PDGFC: variants seen among roughly 807,000 people sequenced by gnomAD.
The protein encoded by PDGFC is platelet-derived growth factor C.
PDGFC carries 12 observed loss-of-function variants against 35.5 expected under a neutral mutation model. The observed-to-expected ratio is 0.34, with a 90% CI of 0.22 to 0.55. The LOEUF is 0.55. Among genes scored for constraint, PDGFC ranks in the 20% least tolerant of loss-of-function variants. The pLI, the probability that PDGFC is intolerant of heterozygous loss-of-function variation, is 0.91. For missense variants in PDGFC, 322 were observed against 412.4 expected (o/e 0.78, Z 1.90); for synonymous variants, 159 against 148.8 (o/e 1.07, Z -0.50).
At chr4:156,930,801 G>A (rs536135004) in intron 1 of PDGFC, among the ~76,000 whole-genome samples, 28 of 152,232 alleles carry the variant, frequency 1.8e-4, no homozygotes, top group African/African-American at 3.1e-4. Context: ...CAGGAAGGCC[G>A]GAGGTTGCAG....
At chr4:156,878,466 T>G (rs888783312) in intron 1 of PDGFC, among the ~76,000 whole-genome samples, 1 of 152,182 alleles carries the variant, frequency 6.6e-6, no homozygotes, top group Non-Finnish European at 1.5e-5. Context: ...ATAACATAAT[T>G]CCTTTGTTCA....
rs1220624735 is a variant in PDGFC at position 156,874,117 on chromosome 4, A to T, written c.119-23701T>A. The T allele has an allele frequency of 2.6e-5, 4 of 152,170 alleles. No individual in the cohort carries two copies. In the East Asian group the frequency reaches 5.8e-4, roughly 22 times the overall value. The allele number at this position is 152,170 out of a possible 1,614,324, so 9.4% of individuals were successfully genotyped here. A position where few individuals can be genotyped will look rare whatever the true frequency, so the allele number is the denominator to read the frequency against. ...GCAGTGTGGCATGGTCAAATACTAG[A>T]CATAAAGTATTTTCTAGAAAATAAA... On this transcript the variant is annotated intron_variant, in intron 1 of 5. Transcript: ENST00000502773.
chr4:156,793,540 T>TAC (rs1422230217), intron 3 of PDGFC, among the ~76,000 whole-genome samples: 12 of 129,640 alleles, frequency 9.3e-5, no homozygotes, highest in African/African-American at 4.5e-4. Flanking sequence ...TGTGCATATA[T>TAC]ATATATATAT....
chr4:156,830,281 T>C (rs1294781070), intron 2 of PDGFC, among the ~76,000 whole-genome samples: 1 of 151,542 alleles, frequency 6.6e-6, no homozygotes, highest in Non-Finnish European at 1.5e-5. Flanking sequence ...TCCTCAGACC[T>C]TGTCAACTGT....
chr4:156,768,184 A>G (rs1730592237), intron 4 of PDGFC, among the ~76,000 whole-genome samples, 194 bp from the exon 5 acceptor site: 1 of 152,068 alleles, frequency 6.6e-6, no homozygotes, highest in Non-Finnish European at 1.5e-5. Context: ...TAGCAAACAA[A>G]GCTTCATTAT....
At chr4:156,789,742 C>T (rs1045774939) in intron 3 of PDGFC, among the ~76,000 whole-genome samples, 1 of 151,996 alleles carries the variant, frequency 6.6e-6, no homozygotes, top group Non-Finnish European at 1.5e-5. Context: ...TTCGGGAGGC[C>T]GAGGCAGGCG....
At chr4:156,872,170 T>C (rs1412548029) in intron 1 of PDGFC, among the ~76,000 whole-genome samples, 1 of 152,170 alleles carries the variant, frequency 6.6e-6, no homozygotes, top group African/African-American at 2.4e-5. Flanking sequence ...ACAGCTGTTG[T>C]CATTTAGTGT....
chr4:156,885,915 C>T (rs1730365726), intron 1 of PDGFC, among the ~76,000 whole-genome samples: 1 of 152,060 alleles, frequency 6.6e-6, no homozygotes, highest in East Asian at 1.9e-4. Flanking sequence ...AAAATTCAGG[C>T]CTCTATCCTC....
chr4:156,831,531 C>G (rs1166213868), intron 2 of PDGFC, among the ~76,000 whole-genome samples: 1 of 149,378 alleles, frequency 6.7e-6, no homozygotes, highest in Admixed American at 6.7e-5. Context: ...GCAACCTCCA[C>G]CTCCCGAGTT....
chr4:156,860,649 A>C (rs190693285), intron 1 of PDGFC, among the ~76,000 whole-genome samples: 73 of 152,258 alleles, frequency 4.8e-4, no homozygotes, highest in African/African-American at 1.5e-3. Context: ...ATCTTGACAA[A>C]TGTCTTTTAC....
intron 1 of PDGFC, among the ~76,000 whole-genome samples, chr4:156,940,060 C>T (rs993402480): frequency 1.3e-5 from 2 of 152,066 alleles, no homozygotes; most frequent in Non-Finnish European, 2.9e-5. Context: ...AGATTAGTCA[C>T]ATATGAAAGC....
intron 1 of PDGFC, among the ~76,000 whole-genome samples, chr4:156,879,210 A>T (rs1730186188): frequency 6.6e-6 from 1 of 152,190 alleles, no homozygotes; most frequent in Admixed American, 6.5e-5. Flanking sequence ...ATCCTCCTGT[A>T]GAAATCACAA....
chr4:156,851,424 A>G (rs1729449036), intron 1 of PDGFC, among the ~76,000 whole-genome samples: 1 of 152,214 alleles, frequency 6.6e-6, no homozygotes, highest in Non-Finnish European at 1.5e-5. Flanking sequence ...ATGAAATGCT[A>G]AAATATACTG....
chr4:156,789,307 C>A (rs1222280678), intron 3 of PDGFC, among the ~76,000 whole-genome samples: 1 of 152,074 alleles, frequency 6.6e-6, no homozygotes, highest in Admixed American at 6.6e-5. Flanking sequence ...AAGAGTTAGG[C>A]CTATAATTCT....
chr4:156,937,878 C>T (rs1019592048), intron 1 of PDGFC, among the ~76,000 whole-genome samples: 1 of 151,830 alleles, frequency 6.6e-6, no homozygotes, highest in African/African-American at 2.4e-5. Context: ...AAAAAATTAC[C>T]TTAAGATAAA....
intron 2 of PDGFC, among the ~76,000 whole-genome samples, chr4:156,831,844 CTTA>C (rs1054538533): frequency 5.9e-5 from 9 of 152,004 alleles, no homozygotes; most frequent in Non-Finnish European, 1.3e-4. Flanking sequence ...TTTTTCAAAC[CTTA>C]TTATAATATC....
At chr4:156,812,031 C>T (rs1330063169) in intron 2 of PDGFC, among the ~76,000 whole-genome samples, 1 of 152,018 alleles carries the variant, frequency 6.6e-6, no homozygotes, top group African/African-American at 2.4e-5. Flanking sequence ...TACATCATCT[C>T]ATGTATAAAC....
intron 1 of PDGFC, among the ~76,000 whole-genome samples, chr4:156,872,667 T>G (rs1730013287): frequency 6.6e-6 from 1 of 152,224 alleles, no homozygotes; most frequent in Admixed American, 6.5e-5. Flanking sequence ...TATGTCTTAT[T>G]ATATATTCCA....
chr4:156,814,615 A>G (rs1732029879), intron 2 of PDGFC, among the ~76,000 whole-genome samples: 1 of 152,152 alleles, frequency 6.6e-6, no homozygotes. Flanking sequence ...AAAGCATCCT[A>G]AAGAGAAAAG....
Sources: allele counts gnomAD v4.1 joint callset (sites outside exome capture counted in the v4.1 genomes callset), GRCh38; gene constraint gnomAD v4.1.1; transcripts MANE v1.5; gene names NCBI Gene and HGNC (gene_info 2026-07-23, HGNC 2026-07-21).